GSDMC: variants seen among roughly 807,000 people sequenced by gnomAD.
GSDMC encodes gasdermin C.
GSDMC carries 59 observed loss-of-function variants against 58.0 expected under a neutral mutation model. The ratio of observed to expected loss-of-function variants is 1.02; its 90% CI spans 0.82 to 1.26. The LOEUF is 1.26. Among genes scored for constraint, GSDMC ranks in the 50% most tolerant of loss-of-function variants. The pLI is 0.00. For missense variants in GSDMC, 659 were observed against 598.5 expected, an observed-to-expected ratio of 1.10 and a Z score of -1.06; for synonymous variants, 241 against 220.2, an observed-to-expected ratio of 1.09 and a Z score of -0.83.
rs750869353 is a variant in GSDMC, at chr8:129,750,059, G to T, written c.1144C>A (p.Gln382Lys). ...GPGGAILKKLQQDSNHAWFNP... is the reference protein window; with the variant it reads ...GPGGAILKKLKQDSNHAWFNP... Reference sequence around the variant, plus strand: ...AACCATGCATGGTTTGAATCCTGTTGAAGTTTCTTTAGGATGGCACCACCA... The same window carrying T: ...AACCATGCATGGTTTGAATCCTGTTTAAGTTTCTTTAGGATGGCACCACCA... Residue 382 changes from glutamine (Q) to lysine (K), a missense_variant, in exon 12 of 14, where the codon CAA (glutamine) becomes AAA (lysine). Coordinates refer to ENST00000276708, the MANE Select transcript of GSDMC (RefSeq NM_031415.3). 1 of 1,610,450 alleles carries T rather than the reference G, an allele frequency of 6.2e-7. No homozygotes were observed. The highest frequency in any genetic ancestry group is 1.1e-5 in the South Asian group (1 of 90,254).
At chr8:129,743,300 G>C (rs1221198335), downstream of GSDMC, among the ~76,000 whole-genome samples, 1 of 151,992 alleles carries the variant, frequency 6.6e-6, no homozygotes, top group Non-Finnish European at 1.5e-5. Context: ...CTTCAGTTTA[G>C]CTTCTATTAC....
At chr8:129,756,480 G>A (rs2033441130) in intron 6 of GSDMC, among the ~76,000 whole-genome samples, 1 of 152,090 alleles carries the variant, frequency 6.6e-6, no homozygotes, top group Non-Finnish European at 1.5e-5. Context: ...CCTACTTTCA[G>A]CACTGAACAG....
intron 3 of GSDMC, among the ~76,000 whole-genome samples, chr8:129,768,780 AT>A (rs1248621354): frequency 2.0e-5 from 3 of 152,214 alleles, no homozygotes. Flanking sequence ...TAAAAAGCTT[AT>A]TTGTAGAAAT....
At chr8:129,706,632 T>C in the GSDMC span, 4 of 152,180 alleles carry the variant, frequency 2.6e-5, no homozygotes, top group Non-Finnish European at 4.4e-5. Context: ...TGGAATCACT[T>C]GCAGGCATTT....
the GSDMC span, among the ~76,000 whole-genome samples, chr8:129,735,855 A>G: frequency 2.6e-5 from 4 of 152,200 alleles, no homozygotes; most frequent in African/African-American, 9.6e-5. Flanking sequence ...CAAAAAATCA[A>G]TGAATCCAGG....
At chr8:129,710,052 T>G in the GSDMC span, among the ~76,000 whole-genome samples, 24 of 152,354 alleles carry the variant, frequency 1.6e-4, no homozygotes, top group African/African-American at 5.8e-4. Flanking sequence ...ATTAACAAGT[T>G]GAATGAATGA....
At chr8:129,770,548 AGTT>A (rs765513536) in intron 3 of GSDMC, among the ~76,000 whole-genome samples, 8 of 152,146 alleles carry the variant, frequency 5.3e-5, no homozygotes, top group Non-Finnish European at 7.3e-5. Flanking sequence ...CCCAAAATTA[AGTT>A]GTTATCAGCA....
chr8:129,743,151 T>G, the GSDMC span, among the ~76,000 whole-genome samples: 1 of 152,190 alleles, frequency 6.6e-6, no homozygotes, highest in African/African-American at 2.4e-5. Context: ...GAGTTTGGTT[T>G]TTATTACATT....
intron 2 of GSDMC, 74 bp downstream of exon 2, chr8:129,777,294 T>C: frequency 1.1e-6 from 1 of 897,746 alleles, no homozygotes; most frequent in South Asian, 1.5e-5. Flanking sequence ...CAGTTATCTT[T>C]GGATGGTGGG....
intron 9 of GSDMC, 66 bp downstream of exon 9, chr8:129,751,796 T>C (rs1191742254): frequency 1.3e-6 from 2 of 1,493,686 alleles, no homozygotes; most frequent in South Asian, 1.1e-5. Context: ...AGGGGCAATC[T>C]GCCCTACTTA....
At chr8:129,755,347 A>G (rs1458635187) in intron 6 of GSDMC, among the ~76,000 whole-genome samples, 1 of 152,216 alleles carries the variant, frequency 6.6e-6, no homozygotes, top group Non-Finnish European at 1.5e-5. Context: ...AAAACCTTTT[A>G]TCCTAGAAGA....
intron 7 of GSDMC, 56 bp from the exon 8 acceptor site, chr8:129,752,203 C>T: frequency 1.5e-6 from 2 of 1,333,934 alleles, no homozygotes; most frequent in Non-Finnish European, 2.2e-6. Context: ...CCCTACTTTT[C>T]CTCCTCTACT....
the GSDMC span, among the ~76,000 whole-genome samples, chr8:129,737,644 C>T: frequency 1.3e-5 from 2 of 152,158 alleles, no homozygotes; most frequent in Admixed American, 6.6e-5. Context: ...TTCCTTCCAC[C>T]TTATACAAAC....
intron 1 of GSDMC, among the ~76,000 whole-genome samples, chr8:129,778,592 A>C (rs1335643953): frequency 6.6e-6 from 1 of 152,214 alleles, no homozygotes; most frequent in Non-Finnish European, 1.5e-5. Context: ...ATTGCAATAA[A>C]AGCAAAAATT....
At chr8:129,742,940 C>T in the GSDMC span, among the ~76,000 whole-genome samples, 3 of 152,110 alleles carry the variant, frequency 2.0e-5, no homozygotes, top group East Asian at 3.8e-4. Flanking sequence ...CTTTATTTTG[C>T]TTTGCTTTTT....
chr8:129,776,928 A>ATTT (rs113296045), intron 2 of GSDMC, among the ~76,000 whole-genome samples: 139 of 147,116 alleles, frequency 9.4e-4, no homozygotes, highest in Middle Eastern at 3.5e-3. Flanking sequence ...TGCCTGGATA[A>ATTT]TTTTTTTTTT....
At chr8:129,769,102 G>A (rs1400101703) in intron 3 of GSDMC, among the ~76,000 whole-genome samples, 1 of 152,056 alleles carries the variant, frequency 6.6e-6, no homozygotes, top group Non-Finnish European at 1.5e-5. Flanking sequence ...GAGAGGAGAG[G>A]AGAGGAGAGG....
At chr8:129,720,625 T>C in the GSDMC span, among the ~76,000 whole-genome samples, 1 of 152,358 alleles carries the variant, frequency 6.6e-6, no homozygotes. Context: ...ACATTTGCAA[T>C]AATGTCAATA....
intron 5 of GSDMC, among the ~76,000 whole-genome samples, chr8:129,761,908 C>G (rs2033677625): frequency 6.6e-6 from 1 of 152,160 alleles, no homozygotes; most frequent in Non-Finnish European, 1.5e-5. Flanking sequence ...ATACTATAGG[C>G]AGTAGAGTGT....
Sources: allele counts gnomAD v4.1 joint callset (sites outside exome capture counted in the v4.1 genomes callset), GRCh38; gene constraint gnomAD v4.1.1; transcripts MANE v1.5; gene names NCBI Gene and HGNC (gene_info 2026-07-23, HGNC 2026-07-21).